The following SPTBN1 variants were observed in gnomAD, a reference collection of about 807,000 sequenced individuals.
The protein encoded by SPTBN1 is spectrin beta chain, non-erythrocytic 1.
In SPTBN1, 32 loss-of-function variants were observed where a neutral mutation model predicts 266.4. The ratio of observed to expected loss-of-function variants is 0.12; its 90% confidence interval spans 0.09 to 0.16. The LOEUF is 0.16. Among genes scored for constraint, SPTBN1 ranks in the 10% least tolerant of loss-of-function variants. SPTBN1 has a pLI of 1.00. For missense variants in SPTBN1, 2,296 were observed against 3,067.1 expected, an observed-to-expected ratio of 0.75 and a Z score of 5.94; for synonymous variants, 1,336 against 1,162.2, an observed-to-expected ratio of 1.15 and a Z score of -3.04.
intron 17 of SPTBN1, among the ~76,000 whole-genome samples, chr2:54,634,911 G>C (rs971098702): frequency 1.3e-5 from 2 of 152,322 alleles, no homozygotes; most frequent in East Asian, 3.9e-4. Flanking sequence ...TGTGAACAGG[G>C]AGGGAGGGAG....
At chr2:54,641,264 T>G (rs183082348) in intron 18 of SPTBN1, among the ~76,000 whole-genome samples, 6 of 152,242 alleles carry the variant, frequency 3.9e-5, no homozygotes, top group Admixed American at 3.9e-4. Context: ...AGAGCAGATT[T>G]GTTTATAAGC....
chr2:54,627,035 G>T (rs1290754964), intron 12 of SPTBN1, among the ~76,000 whole-genome samples: 3 of 149,030 alleles, frequency 2.0e-5, no homozygotes. Context: ...TTTTCAGACA[G>T]TCCCATGAAG....
In SPTBN1 at chr2:54,618,083, A is replaced by C; in HGVS notation, c.653A>C (p.Asp218Ala). Residue 218 changes from aspartate to alanine, a missense_variant, in exon 7 of 36, where the codon GAC becomes GCC. Physicochemically the swap from Asp to Ala is moderately radical, Grantham distance 126. Around this residue, in one of 12 missense-constraint regions of SPTBN1, gnomAD observed 178 missense variants for 375.7 expected, o/e 0.47. Transcript: ENST00000356805. ...FNALIHKHRP[D>A]LIDFDKLKKS... ...CCCACTGTTGTTCTGCACAGGCCTG[A>C]CCTGATAGATTTTGACAAACTAAAG... The C allele has an allele frequency of 6.2e-7, 1 of 1,613,954 alleles. No individual in the cohort carries two copies. The highest frequency in any genetic ancestry group is 8.5e-7 in the Non-Finnish European group (1 of 1,179,860).
At position 54,522,658 on chromosome 2, in the gene SPTBN1, AAGAG is replaced by A. The variant is rs147689465; in HGVS notation, c.-47-3697_-47-3694del. 8.4e-3 allele frequency among the ~76,000 whole-genome samples: 686 copies of A among 81,860 alleles called. 14 individuals carry two copies. The highest frequency in any genetic ancestry group is 0.027 in the African/African-American group (614 of 22,996). The allele number at this position is 81,860 out of a possible 152,430, so 53.7% of individuals were successfully genotyped here. On this transcript the variant is annotated intron_variant, in intron 1 of 35. Coordinates refer to ENST00000356805, the MANE Select transcript of SPTBN1 (RefSeq NM_003128.3). ...AAAGAAAGAAAGAAAGAGAGAGAGAAAGAGAGAGAGAGAGAGAGAGGAGAGAGAG... is the reference window on the plus strand; with the variant it reads ...AAAGAAAGAAAGAAAGAGAGAGAGAAAGAGAGAGAGAGAGAGGAGAGAGAG...
intron 2 of SPTBN1, chr2:54,528,814 G>A: frequency 6.6e-6 from 1 of 152,186 alleles, no homozygotes; most frequent in East Asian, 1.9e-4. Context: ...TGGTCTAGAA[G>A]AAACCAGGGC....
chr2:54,663,403 C>G (rs1558483440), intron 32 of SPTBN1: 1 of 152,188 alleles, frequency 6.6e-6, no homozygotes, highest in African/African-American at 2.4e-5. Context: ...AATCGCACAC[C>G]CTGGGTGTAT....
At chr2:54,499,223 T>G (rs892022211) in intron 1 of SPTBN1, among the ~76,000 whole-genome samples, 3 of 152,224 alleles carry the variant, frequency 2.0e-5, no homozygotes, top group Non-Finnish European at 4.4e-5. Context: ...TTTTTTGTAT[T>G]TGTTTTAATT....
chr2:54,522,769 AAG>A (rs1217803170), intron 1 of SPTBN1, among the ~76,000 whole-genome samples: 1 of 151,044 alleles, frequency 6.6e-6, no homozygotes, highest in African/African-American at 2.4e-5. Context: ...CAGTGATAGA[AAG>A]AGAGATTCGC....
chr2:54,524,527 C>T (rs1011344505), intron 1 of SPTBN1, among the ~76,000 whole-genome samples: 11 of 152,206 alleles, frequency 7.2e-5, no homozygotes, highest in East Asian at 1.9e-4. Context: ...TAACCATCCC[C>T]GCTTCTCCAC....
intron 2 of SPTBN1, chr2:54,528,506 G>A (rs1670973857): frequency 6.6e-6 from 1 of 152,546 alleles, no homozygotes; most frequent in East Asian, 1.9e-4. Context: ...GCCAGGCACT[G>A]TGGGAAATGC....
rs1240632011 is a variant in SPTBN1, at chr2:54,558,607, G to T, written c.148+32041G>T. 1 of 1,416,754 alleles carries T rather than the reference G, an allele frequency of 7.1e-7. No homozygotes were observed. The highest frequency in any genetic ancestry group is 9.2e-7 in the Non-Finnish European group (1 of 1,083,264). 87.8% of individuals were successfully genotyped at this position (1,416,754 alleles called of 1,614,324 possible). A position where few individuals can be genotyped will look rare whatever the true frequency, so the allele number is the denominator to read the frequency against. On this transcript the variant is annotated intron_variant, in intron 2 of 35. Transcript: ENST00000356805. The surrounding 1 kb of genome is among the most constrained non-coding windows in gnomAD (Gnocchi z 4.6). Reference sequence around the variant, plus strand: ...GGTAACTCCTCGCGGAGCTAAGGTGGACTCTCTTGCAGCCAACTTCCCATC... The same window carrying T: ...GGTAACTCCTCGCGGAGCTAAGGTGTACTCTCTTGCAGCCAACTTCCCATC...
At chr2:54,659,809 GAATT>G (rs1274610686) in intron 31 of SPTBN1, 123 bp from the exon 32 acceptor site, 1 of 1,452,554 alleles carries the variant, frequency 6.9e-7, no homozygotes, top group African/African-American at 1.4e-5. Context: ...GATTTAAAAA[GAATT>G]AAATTATGTG....
intron 2 of SPTBN1, among the ~76,000 whole-genome samples, chr2:54,581,066 C>G (rs889254191): frequency 4.0e-5 from 6 of 151,560 alleles, no homozygotes; most frequent in African/African-American, 7.3e-5. Flanking sequence ...CCACTGCACT[C>G]CAGCCTGGGC....
chr2:54,664,800 C>A lies in SPTBN1; in HGVS notation c.6659+109C>A. 3 of 1,116,878 alleles carry A rather than the reference C, an allele frequency of 2.7e-6. No homozygotes were observed. Among genetic ancestry groups the A allele is most frequent in the Non-Finnish European group, 3.8e-6 (3 of 787,310 alleles). 69.2% of individuals were successfully genotyped at this position (1,116,878 alleles called of 1,614,324 possible). ...AGTATGTGCTCATGTAGTTTTATTC[C>A]TTTGGTAGCTTCCTGGACATTGCAT... On this transcript the variant is annotated intron_variant, in intron 33 of 35. Coordinates refer to ENST00000356805, the MANE Select transcript of SPTBN1 (RefSeq NM_003128.3). This position sits in a 1 kb window ranked among gnomAD's most constrained non-coding sequence, Gnocchi z 5.6.
At chr2:54,472,059 G>A (rs547360289) in intron 1 of SPTBN1, among the ~76,000 whole-genome samples, 9 of 110,192 alleles carry the variant, frequency 8.2e-5, no homozygotes, top group Non-Finnish European at 1.3e-4. Flanking sequence ...ACTGAGTCTC[G>A]CTCTGTCGCC....
chr2:54,660,754 T>C, intron 32 of SPTBN1: 2 of 985,432 alleles, frequency 2.0e-6, no homozygotes, highest in Non-Finnish European at 2.4e-6. Context: ...ACTGTAGGCT[T>C]CCTTGCACAG....
chr2:54,495,325 C>T (rs1020962808), intron 1 of SPTBN1, among the ~76,000 whole-genome samples: 5 of 152,098 alleles, frequency 3.3e-5, no homozygotes, highest in African/African-American at 1.2e-4. Context: ...GGCAGGAATC[C>T]CAGGTTCAGA....
At chr2:54,523,643 G>A (rs1670621490) in intron 1 of SPTBN1, among the ~76,000 whole-genome samples, 1 of 152,190 alleles carries the variant, frequency 6.6e-6, no homozygotes, top group South Asian at 2.1e-4. Context: ...TTAAAAAGCT[G>A]CATTTCAAGC....
At chr2:54,534,496 T>C (rs904399888) in intron 2 of SPTBN1, among the ~76,000 whole-genome samples, 1 of 152,230 alleles carries the variant, frequency 6.6e-6, no homozygotes, top group African/African-American at 2.4e-5. Context: ...AGAGAAAGTC[T>C]GTTGAGGTCT....
Sources: gnomAD v4.1 joint callset for allele counts (sites outside exome capture counted in the v4.1 genomes callset) on GRCh38, gnomAD v4.1.1 for gene constraint, gnomAD v4.1.1 regional missense constraint, Gnocchi (gnomAD v3.1) non-coding constraint, MANE v1.5 for transcripts, NCBI Gene and HGNC (gene_info 2026-07-23, HGNC 2026-07-21) for gene names.